Variants in GABRA5 observed in about 807,000 individuals in gnomAD.
The protein encoded by GABRA5 is gamma-aminobutyric acid receptor subunit alpha-5.
Under a neutral mutation model 47.3 loss-of-function variants are expected in GABRA5, and 18 were observed. That is an observed-to-expected ratio of 0.38 (90% confidence interval 0.26 to 0.56). The LOEUF (loss-of-function observed/expected upper bound fraction) is 0.56. GABRA5 is among the 20% of genes least tolerant of loss of function. GABRA5 has a pLI of 0.71. For missense variants in GABRA5, 365 were observed against 599.3 expected (o/e 0.61, Z 4.08); for synonymous variants, 237 against 229.3 (o/e 1.03, Z -0.30).
At chr15:26,907,958 G>T (rs1291225995) in intron 6 of GABRA5, among the ~76,000 whole-genome samples, 1 of 152,130 alleles carries the variant, frequency 6.6e-6, no homozygotes, top group Admixed American at 6.5e-5. Flanking sequence ...CAAATTTGGA[G>T]TTATTTTTAT....
intron 7 of GABRA5, among the ~76,000 whole-genome samples, chr15:26,919,898 T>C (rs1391937775): frequency 1.3e-5 from 2 of 152,168 alleles, no homozygotes. Context: ...AGGTATACTT[T>C]TTTTTCAGCA....
At chr15:26,934,470 A>C (rs1894188264) in intron 7 of GABRA5, among the ~76,000 whole-genome samples, 1 of 152,180 alleles carries the variant, frequency 6.6e-6, no homozygotes. Flanking sequence ...TTTGCTTTGG[A>C]CCAAGAATAA....
intron 9 of GABRA5, among the ~76,000 whole-genome samples, chr15:26,940,711 C>G (rs1039641772): frequency 6.6e-6 from 1 of 152,160 alleles, no homozygotes; most frequent in African/African-American, 2.4e-5. Flanking sequence ...CAATGAGATA[C>G]AATAGTAATA....
chr15:26,939,587 C>T, intron 8 of GABRA5: 2 of 605,158 alleles, frequency 3.3e-6, no homozygotes, highest in Non-Finnish European at 5.9e-6. Context: ...TCTGGGGAGG[C>T]TAAATCCTGA....
chr15:26,935,546 C>T (rs1431993737), intron 7 of GABRA5, among the ~76,000 whole-genome samples: 1 of 152,238 alleles, frequency 6.6e-6, no homozygotes, highest in African/African-American at 2.4e-5. Flanking sequence ...GCACGTGCCC[C>T]TGGTCTCGGG....
At chr15:26,946,414 AC>A (rs1345705242) in intron 10 of GABRA5, among the ~76,000 whole-genome samples, 1 of 142,746 alleles carries the variant, frequency 7.0e-6, no homozygotes, top group Non-Finnish European at 1.5e-5. Context: ...CCATCAATAC[AC>A]CCATCCTCAA....
chr15:26,881,021 C>A, intron 4 of GABRA5, 54 bp downstream of exon 4: 1 of 1,591,906 alleles, frequency 6.3e-7, no homozygotes, highest in South Asian at 1.1e-5. Context: ...GGGCTTAAGT[C>A]TCGTCTCAAG....
intron 6 of GABRA5, among the ~76,000 whole-genome samples, chr15:26,907,435 C>A (rs1186489191): frequency 6.6e-6 from 1 of 152,218 alleles, no homozygotes; most frequent in Non-Finnish European, 1.5e-5. Context: ...TCCTGCCCCG[C>A]AGCAGGACTT....
rs148984632 is a variant in GABRA5 at position 26,897,484 on chromosome 15, T to C, written c.497+13927T>C. On this transcript the variant is annotated intron_variant, in intron 6 of 10. Coordinates refer to ENST00000335625, the MANE Select transcript of GABRA5 (RefSeq NM_000810.4). ...ACTGTGGGAAAATACATGTCTGTAGTTTAAGCCACCCAGCCCGTGGTACTT... is the reference window on the plus strand; with the variant it reads ...ACTGTGGGAAAATACATGTCTGTAGCTTAAGCCACCCAGCCCGTGGTACTT... Among the ~76,000 whole-genome samples, 1,007 of 152,194 alleles carry C rather than the reference T, an allele frequency of 6.6e-3. 8 individuals carry two copies. The highest frequency in any genetic ancestry group is 9.8e-3 in the Non-Finnish European group (667 of 68,014).
chr15:26,870,367 G>A lies in GABRA5; in HGVS notation c.86+1033G>A, dbSNP rs1214833560. 3.9e-5 allele frequency among the ~76,000 whole-genome samples: 6 copies of A among 152,338 alleles called. No homozygotes were observed. In the East Asian group the frequency reaches 1.2e-3, roughly 29 times the overall value. ...GTGGGTGTGGGGGCCTTGCTCAGGTGCAGTGGCTGGTAGAAGACAGCATTG... is the reference window on the plus strand; with the variant it reads ...GTGGGTGTGGGGGCCTTGCTCAGGTACAGTGGCTGGTAGAAGACAGCATTG... On this transcript the variant is annotated intron_variant, in intron 3 of 10. Transcript: ENST00000335625.
intron 4 of GABRA5, among the ~76,000 whole-genome samples, chr15:26,881,224 A>G (rs1002948732): frequency 2.0e-5 from 3 of 152,188 alleles, no homozygotes; most frequent in Non-Finnish European, 1.5e-5. Context: ...TGGTCTTCCC[A>G]AACATCTTTG....
intron 6 of GABRA5, among the ~76,000 whole-genome samples, chr15:26,908,741 A>G (rs904042185): frequency 2.0e-5 from 3 of 152,186 alleles, no homozygotes; most frequent in Non-Finnish European, 2.9e-5. Context: ...CAGGGAGGTC[A>G]TGTTTCCAAT....
chr15:26,939,260 A>G (rs747996609), intron 8 of GABRA5: 7 of 765,214 alleles, frequency 9.1e-6, no homozygotes, highest in African/African-American at 6.8e-5. Flanking sequence ...GGACGGCATC[A>G]TTCTCAGCAA....
At chr15:26,895,540 C>T (rs1893162354) in intron 6 of GABRA5, among the ~76,000 whole-genome samples, 1 of 151,956 alleles carries the variant, frequency 6.6e-6, no homozygotes, top group Non-Finnish European at 1.5e-5. Flanking sequence ...AGGCTGGGCG[C>T]GGTGGTTCAC....
intron 3 of GABRA5, among the ~76,000 whole-genome samples, chr15:26,878,106 G>A (rs976692517): frequency 6.6e-6 from 1 of 152,162 alleles, no homozygotes; most frequent in African/African-American, 2.4e-5. Flanking sequence ...GGACATCTTG[G>A]TTTCCACCTG....
rs972357150 is a variant in GABRA5 at position 26,867,580 on chromosome 15, G to A, written c.-140+469G>A. On this transcript the variant is annotated intron_variant, in intron 1 of 10. Coordinates refer to ENST00000335625, the MANE Select transcript of GABRA5 (RefSeq NM_000810.4). This position sits in a 1 kb window ranked among gnomAD's most constrained non-coding sequence, Gnocchi z 5.9. Reference sequence around the variant, plus strand: ...GCGCAAACTTTACCCTGGCGACTGCGGGGCTGAAGCCGGGCGCGGGAGAGA... The same window carrying A: ...GCGCAAACTTTACCCTGGCGACTGCAGGGCTGAAGCCGGGCGCGGGAGAGA... Among the ~76,000 whole-genome samples, 2 of 151,980 alleles carry A rather than the reference G, an allele frequency of 1.3e-5. No individual in the cohort carries two copies. Among genetic ancestry groups the A allele is most frequent in the Admixed American group, 6.5e-5 (1 of 15,268 alleles).
intron 6 of GABRA5, among the ~76,000 whole-genome samples, chr15:26,892,258 C>T (rs944790084): frequency 2.0e-5 from 3 of 152,256 alleles, no homozygotes; most frequent in Non-Finnish European, 4.4e-5. Flanking sequence ...TAATCCAGGT[C>T]CCCCGTGTGC....
chr15:26,872,013 G>A (rs962105245), intron 3 of GABRA5, among the ~76,000 whole-genome samples: 1 of 152,170 alleles, frequency 6.6e-6, no homozygotes, highest in East Asian at 1.9e-4. Flanking sequence ...GGGGTTTCTA[G>A]CAAAGCGGGA....
At chr15:26,939,817 G>T (rs1195525157) in intron 8 of GABRA5, 108 bp from the exon 9 acceptor site, 4 of 1,065,656 alleles carry the variant, frequency 3.8e-6, no homozygotes, top group African/African-American at 3.1e-5. Context: ...ACAAATGAAT[G>T]CTTGTCCAAA....
Sources: gnomAD v4.1 joint callset for allele counts (sites outside exome capture counted in the v4.1 genomes callset) on GRCh38, gnomAD v4.1.1 for gene constraint, Gnocchi (gnomAD v3.1) non-coding constraint, MANE v1.5 for transcripts, NCBI Gene and HGNC (gene_info 2026-07-23, HGNC 2026-07-21) for gene names.